CTNNA3: variants seen among roughly 807,000 people sequenced by gnomAD.
CTNNA3 encodes catenin alpha 3, also known as catenin alpha-3.
In CTNNA3, 76 loss-of-function variants were observed where a neutral mutation model predicts 95.7. That is an observed-to-expected ratio of 0.79 (90% CI 0.66 to 0.96). The LOEUF (loss-of-function observed/expected upper bound fraction) is 0.96. Ranked by LOEUF, CTNNA3 falls within the 40% of genes least tolerant of loss-of-function variation. The pLI is 0.00. For missense variants in CTNNA3, 1,191 were observed against 1,089.8 expected (o/e 1.09, Z -1.31); for synonymous variants, 431 against 374.4 (o/e 1.15, Z -1.74).
intron 7 of CTNNA3, among the ~76,000 whole-genome samples, chr10:67,063,438 G>T (rs1855880843): frequency 6.6e-6 from 1 of 152,104 alleles, no homozygotes; most frequent in African/African-American, 2.4e-5. Context: ...TAAAGAAAAG[G>T]TTATGAGTAC....
At chr10:65,964,952 T>C (rs1445217896) in intron 17 of CTNNA3, among the ~76,000 whole-genome samples, 5 of 152,314 alleles carry the variant, frequency 3.3e-5, no homozygotes. Flanking sequence ...TATGTGTCTA[T>C]ACACACGCAT....
rs141276630 is a variant in CTNNA3 at position 67,154,903 on chromosome 10, A to C, written c.1047+25414T>G. Among the ~76,000 whole-genome samples the C allele has an allele frequency of 1.2e-3, 185 of 152,208 alleles. 2 individuals carry two copies. Among genetic ancestry groups the C allele is most frequent in the African/African-American group, 4.4e-3 (182 of 41,548 alleles). ...CTGCATAAACTGTTATCTTTTTAGG[A>C]ATGTGTTTTTTCATCTTCACCTCCT... On this transcript the variant is annotated intron_variant, in intron 7 of 17. Coordinates refer to ENST00000433211, the MANE Select transcript of CTNNA3 (RefSeq NM_013266.4).
At chr10:66,462,794 T>C (rs888008138) in intron 11 of CTNNA3, among the ~76,000 whole-genome samples, 3 of 152,128 alleles carry the variant, frequency 2.0e-5, no homozygotes, top group South Asian at 2.1e-4. Flanking sequence ...AGGTATCACA[T>C]AACTTGAAAT....
At chr10:66,666,603 C>T (rs1445825132) in intron 9 of CTNNA3, among the ~76,000 whole-genome samples, 2 of 152,030 alleles carry the variant, frequency 1.3e-5, no homozygotes, top group Non-Finnish European at 2.9e-5. Context: ...TTGTGCCATC[C>T]TAATTGCTCT....
intron 15 of CTNNA3, among the ~76,000 whole-genome samples, chr10:66,006,825 T>A (rs2078896705): frequency 6.6e-6 from 1 of 152,194 alleles, no homozygotes; most frequent in Non-Finnish European, 1.5e-5. Flanking sequence ...CTTATTCTGG[T>A]CATGGCATAA....
chr10:66,320,673 C>T (rs780322555), intron 12 of CTNNA3, among the ~76,000 whole-genome samples: 1 of 152,092 alleles, frequency 6.6e-6, no homozygotes, highest in Non-Finnish European at 1.5e-5. Flanking sequence ...ATAAAAAACA[C>T]ATTTTCCTTT....
In CTNNA3 at chr10:66,338,781, T is replaced by C. The variant is rs1049002995; in HGVS notation, c.1732+40371A>G. Among the ~76,000 whole-genome samples, 9 of 151,852 alleles carry C rather than the reference T, an allele frequency of 5.9e-5. No individual in the cohort carries two copies. The South Asian group carries it at 6.2e-4, about 11-fold the overall frequency. ...GTCTTTGTCCAAAGCAATGTGAAAA[T>C]AGACATCAAGACCCTTAATTTTTCT... On this transcript the variant is annotated intron_variant, in intron 12 of 17. Coordinates refer to ENST00000433211, the MANE Select transcript of CTNNA3 (RefSeq NM_013266.4).
At chr10:66,501,807 A>T (rs1184240924) in intron 11 of CTNNA3, among the ~76,000 whole-genome samples, 3 of 152,142 alleles carry the variant, frequency 2.0e-5, no homozygotes, top group Non-Finnish European at 4.4e-5. Flanking sequence ...TAGATGGAAA[A>T]TGTCTGTCAT....
At chr10:67,612,935 CT>C (rs1843511557) in intron 2 of CTNNA3, among the ~76,000 whole-genome samples, 2 of 152,194 alleles carry the variant, frequency 1.3e-5, no homozygotes, top group Non-Finnish European at 2.9e-5. Flanking sequence ...AGAGGTCTCA[CT>C]GCCTCTGCAC....
intron 7 of CTNNA3, among the ~76,000 whole-genome samples, chr10:66,854,745 T>A (rs577271548): frequency 4.3e-4 from 64 of 149,496 alleles, no homozygotes; most frequent in African/African-American, 1.6e-3. Context: ...AAAATGTCAT[T>A]TTTTTTTTTT....
intron 5 of CTNNA3, among the ~76,000 whole-genome samples, chr10:67,472,127 C>A (rs1451864177): frequency 6.6e-6 from 1 of 152,172 alleles, no homozygotes; most frequent in African/African-American, 2.4e-5. Flanking sequence ...AGTTTCACTG[C>A]ATAGATTCAC....
In CTNNA3 at chr10:66,331,348, T is replaced by C. The variant is rs1230197794; in HGVS notation, c.1732+47804A>G. Among the ~76,000 whole-genome samples the C allele has an allele frequency of 1.6e-3, 125 of 77,574 alleles. 13 individuals are homozygous for C. The highest frequency in any genetic ancestry group is 6.4e-3 in the African/African-American group (120 of 18,890). 50.9% of individuals were successfully genotyped at this position (77,574 alleles called of 152,430 possible). The stretch of plus-strand genomic sequence containing the variant: ...ACTCCTTTCCCCATTGTTTGTTTTT[T>C]TTTTTTTTTTTTTTTTTTTTTTTGA... On this transcript the variant is annotated intron_variant, in intron 12 of 17. Coordinates refer to ENST00000433211, the MANE Select transcript of CTNNA3 (RefSeq NM_013266.4).
chr10:66,973,940 C>G (rs1270436489), intron 7 of CTNNA3, among the ~76,000 whole-genome samples: 4 of 152,248 alleles, frequency 2.6e-5, no homozygotes, highest in African/African-American at 9.6e-5. Context: ...TTTTAATCAA[C>G]TTTATTGAAA....
chr10:66,326,848 G>A (rs1030783568), intron 12 of CTNNA3, among the ~76,000 whole-genome samples: 5 of 152,136 alleles, frequency 3.3e-5, no homozygotes, highest in South Asian at 4.2e-4. Context: ...TTCAGTGAAT[G>A]AGTTTACAAA....
rs944825892 is a variant in CTNNA3, at chr10:66,621,678, C to T, written c.1374+14G>A. On this transcript the variant is annotated intron_variant, in intron 10 of 17. Transcript: ENST00000433211. ...ATATAATTTTACACACAAAAAGTAA[C>T]TTAGTTGTCATACCTGTGGACACAA... 10 of 1,478,268 alleles carry T rather than the reference C, an allele frequency of 6.8e-6. No homozygotes were observed. Among genetic ancestry groups the T allele is most frequent in the Non-Finnish European group, 9.3e-6 (10 of 1,070,774 alleles). The allele number at this position is 1,478,268 out of a possible 1,614,324, so 91.6% of individuals were successfully genotyped here.
intron 7 of CTNNA3, among the ~76,000 whole-genome samples, chr10:66,992,115 T>C (rs972494667): frequency 8.5e-5 from 13 of 152,336 alleles, no homozygotes; most frequent in Admixed American, 2.0e-4. Flanking sequence ...TCCAAAGAAC[T>C]AATATCAATT....
At position 66,836,044 on chromosome 10, in the gene CTNNA3, A is replaced by G. The variant is rs1381479219; in HGVS notation, c.1048-60520T>C. Among the ~76,000 whole-genome samples, 3 of 152,190 alleles carry G rather than the reference A, an allele frequency of 2.0e-5. No individual in the cohort carries two copies. In the East Asian group the frequency reaches 5.8e-4, roughly 29 times the overall value. ...GTACTGGACCACTGGTGTGCTGGTG[A>G]ATGTTTAATAACTGGCTTTCCAGGA... On this transcript the variant is annotated intron_variant, in intron 7 of 17. Coordinates refer to ENST00000433211, the MANE Select transcript of CTNNA3 (RefSeq NM_013266.4).
At chr10:67,084,643 G>A (rs938423126) in intron 7 of CTNNA3, among the ~76,000 whole-genome samples, 1 of 151,496 alleles carries the variant, frequency 6.6e-6, no homozygotes, top group Non-Finnish European at 1.5e-5. Context: ...TTACTACTTG[G>A]GTAACAGATA....
At chr10:66,041,297 G>A (rs2079682942) in intron 15 of CTNNA3, among the ~76,000 whole-genome samples, 1 of 152,174 alleles carries the variant, frequency 6.6e-6, no homozygotes, top group Non-Finnish European at 1.5e-5. Flanking sequence ...AGGAGCCAAA[G>A]GAGATATGGC....
Sources: gnomAD v4.1 joint callset for allele counts (sites outside exome capture counted in the v4.1 genomes callset) on GRCh38, gnomAD v4.1.1 for gene constraint, MANE v1.5 for transcripts, NCBI Gene and HGNC (gene_info 2026-07-23, HGNC 2026-07-21) for gene names.